NAV2: variants seen among roughly 807,000 people sequenced by gnomAD.
The protein encoded by NAV2 is helicase, APC down-regulated 1.
NAV2 carries 54 observed loss-of-function variants against 223.2 expected under a neutral mutation model. That is an observed-to-expected ratio of 0.24 (90% CI 0.19 to 0.30). The LOEUF (loss-of-function observed/expected upper bound fraction) is 0.30, where lower values mean the gene tolerates loss of function less well. Ranked by LOEUF, NAV2 falls within the 10% of genes least tolerant of loss-of-function variation. NAV2 has a pLI of 1.00. For missense variants in NAV2, 2,806 were observed against 3,147.5 expected (o/e 0.89, Z 2.60); for synonymous variants, 1,279 against 1,239.3 (o/e 1.03, Z -0.67).
intron 1 of NAV2, among the ~76,000 whole-genome samples, chr11:19,664,896 TGA>T (rs1376402116): frequency 2.0e-5 from 3 of 152,156 alleles, no homozygotes; most frequent in Non-Finnish European, 4.4e-5. Context: ...GGGCAGGGTG[TGA>T]GAGAGAGGTT....
intron 1 of NAV2, among the ~76,000 whole-genome samples, chr11:19,421,281 C>T (rs1850600358): frequency 6.6e-6 from 1 of 152,168 alleles, no homozygotes; most frequent in South Asian, 2.1e-4. Flanking sequence ...TCCCATCACA[C>T]AGCTGCCTCT....
intron 1 of NAV2, among the ~76,000 whole-genome samples, chr11:19,626,248 A>T (rs1038124439): frequency 2.6e-5 from 4 of 152,114 alleles, no homozygotes; most frequent in African/African-American, 7.2e-5. Flanking sequence ...ATTCTTTTAC[A>T]TATCCAGTTT....
intron 1 of NAV2, among the ~76,000 whole-genome samples, chr11:19,385,360 G>T (rs1848994766): frequency 6.6e-6 from 1 of 152,192 alleles, no homozygotes; most frequent in South Asian, 2.1e-4. Context: ...AGAGTTCATG[G>T]TGAATAAAAC....
At chr11:19,542,017 T>C (rs1267350433) in intron 1 of NAV2, among the ~76,000 whole-genome samples, 2 of 149,778 alleles carry the variant, frequency 1.3e-5, no homozygotes, top group African/African-American at 5.0e-5. Context: ...TAATTCACAC[T>C]GAGAGTCACA....
chr11:19,549,927 GA>G (rs1488511321), intron 1 of NAV2, among the ~76,000 whole-genome samples: 1 of 152,232 alleles, frequency 6.6e-6, no homozygotes, highest in Admixed American at 6.5e-5. Flanking sequence ...CCATTAACAG[GA>G]GAGCAAAAGA....
chr11:19,896,946 C>T (rs571515839), intron 6 of NAV2, among the ~76,000 whole-genome samples: 9 of 152,074 alleles, frequency 5.9e-5, no homozygotes, highest in East Asian at 3.9e-4. Context: ...ATGTTTATTG[C>T]GGCACTATTC....
At position 19,713,876 on chromosome 11, in the gene NAV2, C is replaced by T. The variant is rs1292250823; in HGVS notation, c.181C>T (p.Gln61Ter). Residue 61 changes from glutamine to a stop codon, truncating the protein, a stop_gained, in exon 1 of 38, where the codon CAG (glutamine) becomes TAG (stop). Transcript: ENST00000349880. LOFTEE classifies it high-confidence loss of function. This position sits in a 1 kb window ranked among gnomAD's most constrained non-coding sequence, Gnocchi z 7.2. Reference protein sequence around the residue: ...TYPSQIPLKSQVLQGLQEPAG... With the variant: ...TYPSQIPLKS ...TCCTAGCCAGATCCCCCTGAAATCG[C>T]AGGTGCTGCAGGGGCTGCAGGAGCC... is the stretch of plus-strand genomic sequence containing the variant. 1 of 1,613,590 alleles carries T rather than the reference C, an allele frequency of 6.2e-7. No individual in the cohort carries two copies. Among genetic ancestry groups the T allele is most frequent in the Non-Finnish European group, 8.5e-7 (1 of 1,179,956 alleles).
intron 10 of NAV2, among the ~76,000 whole-genome samples, chr11:19,968,997 G>A (rs1365656306): frequency 6.6e-6 from 1 of 152,076 alleles, no homozygotes; most frequent in Non-Finnish European, 1.5e-5. Flanking sequence ...TCATGCCCAG[G>A]TTACCTCAAG....
chr11:19,641,988 T>C (rs2047679583), intron 1 of NAV2, among the ~76,000 whole-genome samples: 1 of 152,222 alleles, frequency 6.6e-6, no homozygotes, highest in Non-Finnish European at 1.5e-5. Context: ...ACTATATTCC[T>C]AATACCTAGA....
chr11:19,823,399 G>T (rs1446664145), intron 1 of NAV2, among the ~76,000 whole-genome samples: 3 of 152,106 alleles, frequency 2.0e-5, no homozygotes, highest in Non-Finnish European at 4.4e-5. Flanking sequence ...GTAGAGAAGG[G>T]GTTTCACCAT....
At chr11:20,028,617 A>G (rs2055349433) in intron 11 of NAV2, among the ~76,000 whole-genome samples, 1 of 152,200 alleles carries the variant, frequency 6.6e-6, no homozygotes, top group African/African-American at 2.4e-5. Context: ...CATCTTTCAG[A>G]TGAGCTGGAA....
chr11:19,837,301 C>T (rs867264875), intron 2 of NAV2, among the ~76,000 whole-genome samples: 4 of 152,160 alleles, frequency 2.6e-5, no homozygotes, highest in Non-Finnish European at 5.9e-5. Context: ...TACAGGAGAA[C>T]GCTGACTGAT....
At chr11:19,662,741 T>C (rs2048319174) in intron 1 of NAV2, among the ~76,000 whole-genome samples, 1 of 152,216 alleles carries the variant, frequency 6.6e-6, no homozygotes, top group Non-Finnish European at 1.5e-5. Flanking sequence ...CTTCCTATAG[T>C]AGCACCTGCC....
intron 3 of NAV2, among the ~76,000 whole-genome samples, chr11:19,861,009 A>G (rs1201732760): frequency 8.3e-6 from 1 of 120,946 alleles, no homozygotes; most frequent in Non-Finnish European, 1.7e-5. Flanking sequence ...TCGGCATCAG[A>G]GGGAGACGGT....
chr11:20,057,951 C>A (rs1287475856), intron 19 of NAV2, among the ~76,000 whole-genome samples: 2 of 152,146 alleles, frequency 1.3e-5, no homozygotes, highest in Non-Finnish European at 2.9e-5. Context: ...AACTGAAGCA[C>A]AGAGGTAAAA....
chr11:19,624,160 A>AGTCGGTGTCAGTC (rs1188785341), intron 1 of NAV2, among the ~76,000 whole-genome samples: 1 of 152,078 alleles, frequency 6.6e-6, no homozygotes, highest in African/African-American at 2.4e-5. Flanking sequence ...TGGCCGTGTG[A>AGTCGGTGTCAGTC]GGTGTCAGTC....
intron 11 of NAV2, 57 bp downstream of exon 11, chr11:19,984,304 G>C (rs2050570863): frequency 1.2e-6 from 2 of 1,611,000 alleles, no homozygotes; most frequent in African/African-American, 2.7e-5. Flanking sequence ...GGGGGGCCCT[G>C]AGAAATGAGG....
intron 8 of NAV2, among the ~76,000 whole-genome samples, chr11:19,946,170 C>A (rs1171378481): frequency 3.3e-5 from 5 of 152,230 alleles, no homozygotes; most frequent in African/African-American, 9.6e-5. Flanking sequence ...CTAGACTTCA[C>A]CTATTTAAGG....
intron 6 of NAV2, among the ~76,000 whole-genome samples, chr11:19,919,551 C>A (rs2044095782): frequency 6.6e-6 from 1 of 152,128 alleles, no homozygotes; most frequent in Non-Finnish European, 1.5e-5. Context: ...TTGGGCAGGG[C>A]CGTGGGAGCC....
Sources: gnomAD v4.1 joint callset for allele counts (sites outside exome capture counted in the v4.1 genomes callset) on GRCh38, gnomAD v4.1.1 for gene constraint, Gnocchi (gnomAD v3.1) non-coding constraint, MANE v1.5 for transcripts, NCBI Gene and HGNC (gene_info 2026-07-23, HGNC 2026-07-21) for gene names.